SLC25A21: variants seen among roughly 807,000 people sequenced by gnomAD.
SLC25A21 encodes mitochondrial 2-oxodicarboxylate carrier.
A neutral mutation model predicts 43.8 loss-of-function variants in SLC25A21; 47 were observed. The observed-to-expected ratio is 1.07, with a 90% CI of 0.85 to 1.37. The LOEUF (loss-of-function observed/expected upper bound fraction) is 1.37, where lower values mean the gene tolerates loss of function less well. Among genes scored for constraint, SLC25A21 ranks in the 40% most tolerant of loss-of-function variants. The pLI is 0.00. For synonymous variants in SLC25A21, 131 were observed against 121.3 expected, an observed-to-expected ratio of 1.08 and a Z score of -0.52; for missense variants, 352 against 350.2, an observed-to-expected ratio of 1.00 and a Z score of -0.04.
At chr14:36,711,829 T>C (rs940226224) in intron 6 of SLC25A21, among the ~76,000 whole-genome samples, 3 of 152,240 alleles carry the variant, frequency 2.0e-5, no homozygotes, top group African/African-American at 7.2e-5. Flanking sequence ...ACCATATAGA[T>C]ATTTGGTAAT....
chr14:36,802,850 G>A (rs1232406238), intron 3 of SLC25A21, among the ~76,000 whole-genome samples: 2 of 152,228 alleles, frequency 1.3e-5, no homozygotes, highest in South Asian at 4.2e-4. Context: ...CAGAAGGGCT[G>A]GAACATAAGA....
At chr14:36,835,139 A>C (rs957844807) in intron 2 of SLC25A21, among the ~76,000 whole-genome samples, 1 of 152,226 alleles carries the variant, frequency 6.6e-6, no homozygotes, top group Non-Finnish European at 1.5e-5. Context: ...CTGAGCAGAC[A>C]TAAGTCTTTG....
chr14:37,017,441 T>C (rs1960882097), intron 1 of SLC25A21, among the ~76,000 whole-genome samples: 1 of 152,078 alleles, frequency 6.6e-6, no homozygotes, highest in East Asian at 1.9e-4. Flanking sequence ...CAAAACCAAA[T>C]ACAATAGTAA....
At chr14:36,945,209 C>T (rs1344316475) in intron 1 of SLC25A21, among the ~76,000 whole-genome samples, 4 of 152,292 alleles carry the variant, frequency 2.6e-5, no homozygotes, top group African/African-American at 9.6e-5. Flanking sequence ...ATGTTATCTT[C>T]ACTTAATGAA....
chr14:36,686,617 C>A (rs1882559799), intron 7 of SLC25A21, among the ~76,000 whole-genome samples: 1 of 152,152 alleles, frequency 6.6e-6, no homozygotes, highest in South Asian at 2.1e-4. Context: ...ACAAACCTGG[C>A]AGAAAATGAA....
intron 2 of SLC25A21, among the ~76,000 whole-genome samples, chr14:36,822,520 G>T (rs1888671103): frequency 6.6e-6 from 1 of 152,074 alleles, no homozygotes; most frequent in African/African-American, 2.4e-5. Context: ...TACTGTAAAG[G>T]AGACCAATAA....
chr14:36,962,947 A>C (rs1459313807), intron 1 of SLC25A21, among the ~76,000 whole-genome samples: 1 of 152,198 alleles, frequency 6.6e-6, no homozygotes, highest in East Asian at 1.9e-4. Flanking sequence ...GTTTTGACTA[A>C]GCCAGAAATT....
rs536868524 is a variant in SLC25A21, at chr14:37,007,586, A to G, written c.71-132582T>C. ...CCACTGCACTCCAGCCTGACAGACA[A>G]GACTCCCTCTCAAAAATAATAATAA... On this transcript the variant is annotated intron_variant, in intron 1 of 9. Transcript: ENST00000331299. 2.8e-4 allele frequency among the ~76,000 whole-genome samples: 41 copies of G among 144,268 alleles called. No individual in the cohort carries two copies. The South Asian group carries it at 8.9e-3, about 31-fold the overall frequency. 94.6% of individuals were successfully genotyped at this position (144,268 alleles called of 152,430 possible). A position where few individuals can be genotyped will look rare whatever the true frequency, so the allele number is the denominator to read the frequency against.
At chr14:36,932,211 TTCC>T (rs1892313132) in intron 1 of SLC25A21, among the ~76,000 whole-genome samples, 1 of 152,130 alleles carries the variant, frequency 6.6e-6, no homozygotes, top group Non-Finnish European at 1.5e-5. Context: ...CAATCTCAAT[TTCC>T]TCCTCTATTA....
chr14:37,087,803 T>A (rs1962514131), intron 1 of SLC25A21, among the ~76,000 whole-genome samples: 1 of 152,200 alleles, frequency 6.6e-6, no homozygotes, highest in African/African-American at 2.4e-5. Flanking sequence ...TGAAAGTGCA[T>A]CCTTTCCCCT....
intron 3 of SLC25A21, among the ~76,000 whole-genome samples, chr14:36,793,202 T>C (rs964475452): frequency 1.3e-5 from 2 of 152,196 alleles, no homozygotes; most frequent in Non-Finnish European, 2.9e-5. Flanking sequence ...ATCATCTCTG[T>C]ATACCATGTG....
intron 3 of SLC25A21, among the ~76,000 whole-genome samples, chr14:36,780,509 A>C (rs532049053): frequency 2.0e-5 from 3 of 151,996 alleles, no homozygotes; most frequent in African/African-American, 7.2e-5. Context: ...GCTGCATTCC[A>C]TAAGTTTTGG....
At chr14:36,819,151 G>A (rs562535302) in intron 2 of SLC25A21, among the ~76,000 whole-genome samples, 3 of 152,242 alleles carry the variant, frequency 2.0e-5, no homozygotes, top group South Asian at 2.1e-4. Flanking sequence ...AAGGAATGTG[G>A]CTCAAACCCT....
chr14:36,946,781 T>C (rs1350324285), intron 1 of SLC25A21, among the ~76,000 whole-genome samples: 1 of 152,168 alleles, frequency 6.6e-6, no homozygotes, highest in Non-Finnish European at 1.5e-5. Context: ...TCCTCCAGGA[T>C]GTCAGCTTGT....
chr14:37,125,734 A>G (rs1453691915), intron 1 of SLC25A21, among the ~76,000 whole-genome samples: 1 of 152,208 alleles, frequency 6.6e-6, no homozygotes, highest in Non-Finnish European at 1.5e-5. Flanking sequence ...CTCCAAGTCC[A>G]TAGACCTATT....
chr14:36,920,144 T>C (rs1161022092), intron 1 of SLC25A21, among the ~76,000 whole-genome samples: 2 of 152,078 alleles, frequency 1.3e-5, no homozygotes, highest in African/African-American at 4.8e-5. Flanking sequence ...AAGATTCTTT[T>C]TTCTATTTTT....
intron 9 of SLC25A21, among the ~76,000 whole-genome samples, chr14:36,681,579 TCTAA>T (rs368429393): frequency 3.9e-5 from 6 of 152,100 alleles, no homozygotes; most frequent in East Asian, 1.9e-4. Flanking sequence ...TCCTTTTATG[TCTAA>T]CTGTGTGAAA....
chr14:36,920,791 T>C (rs1891959457), intron 1 of SLC25A21, among the ~76,000 whole-genome samples: 1 of 151,956 alleles, frequency 6.6e-6, no homozygotes, highest in Non-Finnish European at 1.5e-5. Context: ...ACTCAACAAA[T>C]AACATTCACA....
At position 36,753,463 on chromosome 14, in the gene SLC25A21, C is replaced by G. The variant is rs568461462; in HGVS notation, c.204-18890G>C. Among the ~76,000 whole-genome samples, 4 of 152,166 alleles carry G rather than the reference C, an allele frequency of 2.6e-5. No homozygotes were observed. In the East Asian group the frequency reaches 5.8e-4, roughly 22 times the overall value. On this transcript the variant is annotated intron_variant, in intron 3 of 9. Coordinates refer to ENST00000331299, the MANE Select transcript of SLC25A21 (RefSeq NM_030631.4). ...AAAATGGAGAGTTTGGGGAACATAT[C>G]ACTACATCTTAAGAATCTCAGCCAT...
Sources: gnomAD v4.1 joint callset for allele counts (sites outside exome capture counted in the v4.1 genomes callset) on GRCh38, gnomAD v4.1.1 for gene constraint, MANE v1.5 for transcripts, NCBI Gene and HGNC (gene_info 2026-07-23, HGNC 2026-07-21) for gene names.